Variants in CNOT7 observed in about 807,000 individuals in gnomAD.
CNOT7 encodes the protein CCR4-NOT transcription complex subunit 7.
In CNOT7, 4 loss-of-function variants were observed where a neutral mutation model predicts 37.1. That is an observed-to-expected ratio of 0.11 (90% confidence interval 0.05 to 0.25). The LOEUF is 0.25. Ranked by LOEUF, CNOT7 falls within the 10% of genes least tolerant of loss-of-function variation. The pLI is 1.00. For missense variants in CNOT7, 170 were observed against 336.2 expected (o/e 0.51, Z 3.87); for synonymous variants, 128 against 115.6 (o/e 1.11, Z -0.69).
At chr8:17,242,955 A>T in intron 3 of CNOT7, 37 bp downstream of exon 3, 1 of 1,454,442 alleles carries the variant, frequency 6.9e-7, no homozygotes, top group Middle Eastern at 1.8e-4. Context: ...AAGAAAAAAA[A>T]AAAAAAGTCT....
chr8:17,226,139 C>T lies in CNOT7; in HGVS notation c.*4581G>A, dbSNP rs886438968. ...TATTTAGGTACTCAAGGAAACTTTT[C>T]ACCAAATTTTTATTCTAAAAATTGA... On this transcript the variant is annotated 3_prime_UTR_variant, in exon 7 of 7. Transcript: ENST00000361272. The T allele has an allele frequency of 6.6e-5, 9 of 136,896 alleles. No homozygotes were observed. Among genetic ancestry groups the T allele is most frequent in the East Asian group, 2.3e-4 (1 of 4,352 alleles). 8.5% of individuals were successfully genotyped at this position (136,896 alleles called of 1,614,324 possible).
intron 6 of CNOT7, chr8:17,231,365 A>G (rs999560387): frequency 8.9e-6 from 2 of 225,132 alleles, no homozygotes; most frequent in Non-Finnish European, 1.5e-5. Flanking sequence ...CTTTAGTTAA[A>G]TAAACCATTA....
Position 17,226,525 on chromosome 8 carries a change from A to C in CNOT7, c.*4195T>G, listed in dbSNP as rs1808171580. On this transcript the variant is annotated 3_prime_UTR_variant, in exon 7 of 7. Coordinates refer to ENST00000361272, the MANE Select transcript of CNOT7 (RefSeq NM_013354.7). Reference sequence around the variant, plus strand: ...CCCTTTAGCATGTCATTCATTCAAGATGATTCATTTCCAACAGAAGATTAA... The same window carrying C: ...CCCTTTAGCATGTCATTCATTCAAGCTGATTCATTTCCAACAGAAGATTAA... 6.6e-6 allele frequency: 1 copy of C among 151,670 alleles called. No homozygotes were observed. The highest frequency in any genetic ancestry group is 1.5e-5 in the Non-Finnish European group (1 of 67,712). The allele number at this position is 151,670 out of a possible 1,614,324, so 9.4% of individuals were successfully genotyped here. A position where few individuals can be genotyped will look rare whatever the true frequency, so the allele number is the denominator to read the frequency against.
intron 3 of CNOT7, chr8:17,241,866 A>C (rs1810210969): frequency 6.6e-6 from 1 of 152,252 alleles, no homozygotes; most frequent in African/African-American, 2.4e-5. Flanking sequence ...AATATTAAAC[A>C]ATGAAATAAA....
At chr8:17,237,118 A>T in intron 4 of CNOT7, 94 bp downstream of exon 4, 4 of 1,258,044 alleles carry the variant, frequency 3.2e-6, no homozygotes, top group Non-Finnish European at 4.5e-6. Flanking sequence ...TCTTTCCAGA[A>T]TTAAACCTGA....
intron 3 of CNOT7, chr8:17,237,728 A>G (rs1334163076): frequency 2.1e-5 from 4 of 194,394 alleles, no homozygotes; most frequent in Non-Finnish European, 4.3e-5. Flanking sequence ...TTTTTCAGAG[A>G]CTCTCAGTCT....
In CNOT7 at chr8:17,230,322, G is replaced by C. The variant is rs1808456157; in HGVS notation, c.*398C>G. The C allele has an allele frequency of 6.5e-6, 1 of 153,338 alleles. No homozygotes were observed. Among genetic ancestry groups the C allele is most frequent in the Non-Finnish European group, 1.5e-5 (1 of 68,652 alleles). The allele number at this position is 153,338 out of a possible 1,614,324, so 9.5% of individuals were successfully genotyped here. On this transcript the variant is annotated 3_prime_UTR_variant, in exon 7 of 7. Coordinates refer to ENST00000361272, the MANE Select transcript of CNOT7 (RefSeq NM_013354.7). ...AACTGATGGTCCACGATCTCAAATA[G>C]CTAAAACTCCTGCAGAATGGAAGGG...
rs1260121205 is a variant in CNOT7 at position 17,229,412 on chromosome 8, C to T, written c.*1308G>A. On this transcript the variant is annotated 3_prime_UTR_variant, in exon 7 of 7. Transcript: ENST00000361272. ...AACATTTGGAGATTTGCTAATATTA[C>T]TGATTGAAGTGTAGGTAACACACAT... is the stretch of plus-strand genomic sequence containing the variant. The T allele has an allele frequency of 1.3e-5, 2 of 152,292 alleles. No homozygotes were observed. The highest frequency in any genetic ancestry group is 2.9e-5 in the Non-Finnish European group (2 of 67,836). The allele number at this position is 152,292 out of a possible 1,614,324, so 9.4% of individuals were successfully genotyped here. A position where few individuals can be genotyped will look rare whatever the true frequency, so the allele number is the denominator to read the frequency against.
At chr8:17,243,737 G>A (rs1810505096) in intron 2 of CNOT7, 1 of 435,804 alleles carries the variant, frequency 2.3e-6, no homozygotes, top group Non-Finnish European at 4.6e-6. Context: ...CTTGTAGGAT[G>A]TTATCACTTC....
chr8:17,238,838 T>C (rs1451722273), intron 3 of CNOT7, among the ~76,000 whole-genome samples: 1 of 152,218 alleles, frequency 6.6e-6, no homozygotes, highest in East Asian at 1.9e-4. Flanking sequence ...TTTCTTTACA[T>C]CTACGTATGT....
chr8:17,246,131 AG>A (rs1811010892), intron 1 of CNOT7: 1 of 152,174 alleles, frequency 6.6e-6, no homozygotes, highest in Non-Finnish European at 1.5e-5. Context: ...AAAAACACAA[AG>A]ACTTGGAAAG....
chr8:17,228,487 G>C lies in CNOT7; in HGVS notation c.*2233C>G, dbSNP rs1808306246. 1.3e-5 allele frequency: 2 copies of C among 151,886 alleles called. No homozygotes were observed. The highest frequency in any genetic ancestry group is 1.3e-4 in the Admixed American group (2 of 15,232). The allele number at this position is 151,886 out of a possible 1,614,324, so 9.4% of individuals were successfully genotyped here. A position where few individuals can be genotyped will look rare whatever the true frequency, so the allele number is the denominator to read the frequency against. Reference sequence around the variant, plus strand: ...TAAGATGCATTTAATGCAGGCAACAGCATACAGTCCCCCAATTTACGATGG... The same window carrying C: ...TAAGATGCATTTAATGCAGGCAACACCATACAGTCCCCCAATTTACGATGG... On this transcript the variant is annotated 3_prime_UTR_variant, in exon 7 of 7. Coordinates refer to ENST00000361272, the MANE Select transcript of CNOT7 (RefSeq NM_013354.7).
chr8:17,237,452 T>A, intron 3 of CNOT7, 79 bp from the exon 4 acceptor site: 1 of 1,332,788 alleles, frequency 7.5e-7, no homozygotes, highest in Non-Finnish European at 1.1e-6. Flanking sequence ...CATCTATAAC[T>A]ACAGTGCCAG....
intron 3 of CNOT7, chr8:17,241,835 G>T (rs1354482614): frequency 6.6e-6 from 1 of 152,124 alleles, no homozygotes; most frequent in East Asian, 1.9e-4. Flanking sequence ...CAAACTTCTA[G>T]ATAAAGACCA....
At chr8:17,246,059 T>G (rs1432116593) in intron 1 of CNOT7, 3 of 151,718 alleles carry the variant, frequency 2.0e-5, no homozygotes, top group Non-Finnish European at 4.4e-5. Flanking sequence ...CTAAAGGAGA[T>G]CCAGGACACC....
rs781268765 is a variant in CNOT7, at chr8:17,237,289, T to G, written c.396A>C (p.Glu132Asp). ...QFKKHEEEGI[E>D]TQYFAELLMT... ...TAAGAAGTTCTGCAAAGTACTGGGTTTCAATTCCTTCCTCCTCATGTTTTT... is the reference window on the plus strand; with the variant it reads ...TAAGAAGTTCTGCAAAGTACTGGGTGTCAATTCCTTCCTCCTCATGTTTTT... The change falls in exon 4 of 7, where the codon GAA (glutamate) becomes GAC (aspartate). Residue 132 changes from glutamate (E) to aspartate (D), a missense_variant. Physicochemically the swap from Glu to Asp is conservative, Grantham distance 45. Around this residue, in one of 6 missense-constraint regions of CNOT7, gnomAD observed 68 missense variants for 151.1 expected, o/e 0.45. Transcript: ENST00000361272. 1 of 1,613,992 alleles carries G rather than the reference T, an allele frequency of 6.2e-7. No individual in the cohort carries two copies. The highest frequency in any genetic ancestry group is 8.5e-7 in the Non-Finnish European group (1 of 1,179,956).
rs1372223842 is a variant in CNOT7, at chr8:17,240,351, GA to G, written c.311+2640del. On this transcript the variant is annotated intron_variant, in intron 3 of 6. Coordinates refer to ENST00000361272, the MANE Select transcript of CNOT7 (RefSeq NM_013354.7). Reference sequence around the variant, plus strand: ...TGTCAACTTTCTTAAAACATTTTGAGATTTTTTTTTTTTTTAGCTCAACAGC... The same window carrying G: ...TGTCAACTTTCTTAAAACATTTTGAGTTTTTTTTTTTTTTAGCTCAACAGC... Among the ~76,000 whole-genome samples the G allele has an allele frequency of 1.1e-4, 16 of 142,452 alleles. No individual in the cohort carries two copies. The South Asian group carries it at 3.2e-3, about 28-fold the overall frequency. 93.5% of individuals were successfully genotyped at this position (142,452 alleles called of 152,430 possible). A position where few individuals can be genotyped will look rare whatever the true frequency, so the allele number is the denominator to read the frequency against.
chr8:17,241,021 T>C (rs998117005), intron 3 of CNOT7, among the ~76,000 whole-genome samples: 2 of 152,158 alleles, frequency 1.3e-5, no homozygotes, highest in East Asian at 1.9e-4. Flanking sequence ...GGGCCAAGGG[T>C]TGGACAAGTT....
In CNOT7 at chr8:17,225,933, T is replaced by G. The variant is rs2150960060; in HGVS notation, c.*4787A>C. ...TAATTTGATTCCACCTCAGGTTGCC[T>G]ACCCAGAGGAGCCACTGCATTTGGC... On this transcript the variant is annotated 3_prime_UTR_variant, in exon 7 of 7. Transcript: ENST00000361272. 6.7e-6 allele frequency: 1 copy of G among 148,636 alleles called. No homozygotes were observed. The highest frequency in any genetic ancestry group is 2.2e-4 in the South Asian group (1 of 4,642). The allele number at this position is 148,636 out of a possible 1,614,324, so 9.2% of individuals were successfully genotyped here.
Sources: gnomAD v4.1 joint callset for allele counts (sites outside exome capture counted in the v4.1 genomes callset) on GRCh38, gnomAD v4.1.1 for gene constraint, gnomAD v4.1.1 regional missense constraint, MANE v1.5 for transcripts, NCBI Gene and HGNC (gene_info 2026-07-23, HGNC 2026-07-21) for gene names.